Variants in TRHDE observed in about 807,000 individuals in gnomAD.
The protein encoded by TRHDE is thyrotropin-releasing hormone-degrading ectoenzyme.
Under a neutral mutation model 125.7 loss-of-function variants are expected in TRHDE, and 72 were observed. The observed-to-expected ratio is 0.57, with a 90% CI of 0.47 to 0.70. The LOEUF is 0.70. Among genes scored for constraint, TRHDE ranks in the 30% least tolerant of loss-of-function variants. TRHDE has a pLI of 0.00. For synonymous variants in TRHDE, 509 were observed against 509.1 expected (o/e 1.00, Z 0.00); for missense variants, 1,110 against 1,327.1 (o/e 0.84, Z 2.54).
rs548037710 is a variant in TRHDE, at chr12:72,481,488, T to C, written c.1584+8308T>C. Among the ~76,000 whole-genome samples the C allele has an allele frequency of 2.6e-5, 4 of 151,892 alleles. No individual in the cohort carries two copies. In the East Asian group the frequency reaches 7.7e-4, roughly 29 times the overall value. Reference sequence around the variant, plus strand: ...ATTTACTTTGTACCTCTCAACACTTTACATATATTAATTCACTGTGAAATA... The same window carrying C: ...ATTTACTTTGTACCTCTCAACACTTCACATATATTAATTCACTGTGAAATA... On this transcript the variant is annotated intron_variant, in intron 5 of 18. Transcript: ENST00000261180.
intron 2 of TRHDE, among the ~76,000 whole-genome samples, chr12:72,170,708 G>A (rs914077312): frequency 6.6e-6 from 1 of 152,100 alleles, no homozygotes; most frequent in Admixed American, 6.6e-5. Context: ...AGATGCTGCT[G>A]GTTTGGAGAC....
rs188527895 is a variant in TRHDE at position 72,319,167 on chromosome 12, C to T, written c.1188+32213C>T. ...TCAGATGGAGATGTCCAGCTGACTG[C>T]TGATGACACAGGACTGAAGCTCAGG... On this transcript the variant is annotated intron_variant, in intron 2 of 18. Coordinates refer to ENST00000261180, the MANE Select transcript of TRHDE (RefSeq NM_013381.3). 1.0e-3 allele frequency among the ~76,000 whole-genome samples: 158 copies of T among 152,260 alleles called. 2 individuals are homozygous for T. The highest frequency in any genetic ancestry group is 1.3e-4 in the Non-Finnish European group (9 of 68,020).
At chr12:72,534,560 G>A (rs1472535742) in intron 6 of TRHDE, among the ~76,000 whole-genome samples, 1 of 151,942 alleles carries the variant, frequency 6.6e-6, no homozygotes, top group Non-Finnish European at 1.5e-5. Context: ...AATTTTGGGG[G>A]GCAGGGAGCT....
At chr12:72,544,357 T>C (rs145265889) in intron 7 of TRHDE, among the ~76,000 whole-genome samples, 181 of 151,342 alleles carry the variant, frequency 1.2e-3, no homozygotes, top group African/African-American at 4.1e-3. Context: ...CCCTGGGGAG[T>C]CTTGGTTTAC....
At chr12:72,429,001 A>T (rs1874308735) in intron 3 of TRHDE, among the ~76,000 whole-genome samples, 1 of 152,114 alleles carries the variant, frequency 6.6e-6, no homozygotes, top group South Asian at 2.1e-4. Context: ...ACACCATGGA[A>T]TACTATGCAG....
chr12:72,380,859 CT>C (rs1365913912), intron 3 of TRHDE, among the ~76,000 whole-genome samples: 23 of 145,724 alleles, frequency 1.6e-4, no homozygotes, highest in African/African-American at 5.4e-4. Flanking sequence ...CTCTCTCTCT[CT>C]TTCTCTCTCT....
intron 12 of TRHDE, among the ~76,000 whole-genome samples, chr12:72,592,242 G>A (rs1871717537): frequency 6.6e-6 from 1 of 152,000 alleles, no homozygotes; most frequent in East Asian, 1.9e-4. Flanking sequence ...TCAACCAGCT[G>A]TTAAGTTTAT....
intron 12 of TRHDE, among the ~76,000 whole-genome samples, chr12:72,584,067 G>T (rs1871348111): frequency 6.6e-6 from 1 of 151,194 alleles, no homozygotes; most frequent in South Asian, 2.1e-4. Flanking sequence ...GAGTAGCTGG[G>T]ACTACAAGGA....
At chr12:72,139,584 C>A (rs1412666485) in intron 2 of TRHDE, among the ~76,000 whole-genome samples, 1 of 151,986 alleles carries the variant, frequency 6.6e-6, no homozygotes, top group African/African-American at 2.4e-5. Context: ...AAAGAAGCAA[C>A]CTTAGGAATG....
chr12:72,391,440 T>C (rs1872607428), intron 3 of TRHDE, among the ~76,000 whole-genome samples: 1 of 152,130 alleles, frequency 6.6e-6, no homozygotes, highest in African/African-American at 2.4e-5. Context: ...CCAAATGCCA[T>C]TTTTTAGTTG....
intron 5 of TRHDE, among the ~76,000 whole-genome samples, chr12:72,497,517 G>A (rs1430516507): frequency 6.6e-6 from 1 of 152,050 alleles, no homozygotes; most frequent in Non-Finnish European, 1.5e-5. Flanking sequence ...TAATAGAGCA[G>A]GCAATTGCTG....
intron 15 of TRHDE, among the ~76,000 whole-genome samples, chr12:72,637,048 C>G (rs543818312): frequency 1.6e-4 from 24 of 152,174 alleles, no homozygotes; most frequent in Admixed American, 1.2e-3. Flanking sequence ...CCCTCTTTTT[C>G]TATTGATTGG....
At position 72,568,629 on chromosome 12, in the gene TRHDE, G is replaced by A. The variant is rs1382594960; in HGVS notation, c.2104G>A (p.Ala702Thr). Residue 702 changes from alanine to threonine, a missense_variant, in exon 10 of 19, where the codon GCA becomes ACA. Ala to Thr is a moderately conservative substitution (Grantham distance 58). Around this residue, in one of 5 missense-constraint regions of TRHDE, gnomAD observed 527 missense variants for 651.8 expected, o/e 0.81. Transcript: ENST00000261180. ...AAATAGAAGCCATGTGTCTTCAGAAGCAATTATTTGGGTGTCTAACAAATC... is the reference window on the plus strand; with the variant it reads ...AAATAGAAGCCATGTGTCTTCAGAAACAATTATTTGGGTGTCTAACAAATC... Reference protein sequence around the residue: ...VGNRSHVSSEAIIWVSNKSEH... With the variant: ...VGNRSHVSSETIIWVSNKSEH... 6.2e-7 allele frequency: 1 copy of A among 1,610,972 alleles called. No individual in the cohort carries two copies. Among genetic ancestry groups the A allele is most frequent in the African/African-American group, 1.3e-5 (1 of 74,848 alleles).
chr12:72,358,409 A>G (rs1211784680), intron 2 of TRHDE, among the ~76,000 whole-genome samples: 1 of 151,654 alleles, frequency 6.6e-6, no homozygotes, highest in Non-Finnish European at 1.5e-5. Flanking sequence ...CATGATTTTA[A>G]TAACATTTTC....
chr12:72,437,028 T>C (rs12318484), intron 3 of TRHDE, among the ~76,000 whole-genome samples: 14,813 of 151,844 alleles, frequency 0.098, 913 homozygotes, highest in African/African-American at 0.16. Context: ...CTATATCCCC[T>C]TATATTTGAG....
At chr12:72,357,338 C>A (rs1870869318) in intron 2 of TRHDE, among the ~76,000 whole-genome samples, 1 of 151,506 alleles carries the variant, frequency 6.6e-6, no homozygotes, top group African/African-American at 2.4e-5. Context: ...GTATTTGCTA[C>A]TTTGTATATT....
chr12:72,465,341 C>T (rs751057917), intron 3 of TRHDE, among the ~76,000 whole-genome samples: 2 of 152,080 alleles, frequency 1.3e-5, no homozygotes, highest in Non-Finnish European at 2.9e-5. Context: ...ATTCATCACT[C>T]CCAAAAGTTT....
rs144707531 is a variant in TRHDE at position 72,212,136 on chromosome 12, TA to T, written n.279+106385del. ...ATAGAATTATGAATGTATTTTGTTT[TA>T]TTTTTTTTCATGTACATATTTTCTG... On this transcript the variant is annotated intron_variant and non_coding_transcript_variant, in intron 2 of 4. Transcript: ENST00000548156. 2.1e-3 allele frequency among the ~76,000 whole-genome samples: 324 copies of T among 152,296 alleles called. 1 individual carries two copies. The highest frequency in any genetic ancestry group is 3.7e-3 in the South Asian group (18 of 4,832).
At chr12:72,640,529 CT>C (rs1565820465) in intron 15 of TRHDE, among the ~76,000 whole-genome samples, 1 of 152,118 alleles carries the variant, frequency 6.6e-6, no homozygotes, top group Non-Finnish European at 1.5e-5. Flanking sequence ...TCTTCACTTA[CT>C]TTTTCAATCC....
Sources: allele counts gnomAD v4.1 joint callset (sites outside exome capture counted in the v4.1 genomes callset), GRCh38; gene constraint gnomAD v4.1.1; regional missense constraint gnomAD v4.1.1; transcripts MANE v1.5; gene names NCBI Gene and HGNC (gene_info 2026-07-23, HGNC 2026-07-21).